CLDN15: variants seen among roughly 807,000 people sequenced by gnomAD.
The protein encoded by CLDN15 is claudin 15, also known as claudin-15.
Under a neutral mutation model 24.5 loss-of-function variants are expected in CLDN15, and 9 were observed. The observed-to-expected ratio is 0.37, with a 90% CI of 0.22 to 0.64. CLDN15 has a LOEUF of 0.64. Among genes scored for constraint, CLDN15 ranks in the 30% least tolerant of loss-of-function variants. The probability of loss-of-function intolerance (pLI) is 0.63; values close to 1 mark genes in which losing one functional copy is unlikely to be tolerated. For synonymous variants in CLDN15, 149 were observed against 131.4 expected, an observed-to-expected ratio of 1.13 and a Z score of -0.92; for missense variants, 248 against 305.9, an observed-to-expected ratio of 0.81 and a Z score of 1.41.
chr7:101,232,191 G>A lies in CLDN15; in HGVS notation c.*219C>T, dbSNP rs548376323. The A allele has an allele frequency of 1.3e-5, 7 of 545,162 alleles. No homozygotes were observed. The highest frequency in any genetic ancestry group is 1.0e-4 in the Admixed American group (3 of 29,428). 33.8% of individuals were successfully genotyped at this position (545,162 alleles called of 1,614,324 possible). ...CACAGCCCAGAACCCAGGGTCAGAA[G>A]ATGAGGGATCCAGCCTCAGAGGGGA... On this transcript the variant is annotated 3_prime_UTR_variant, in exon 5 of 5. Transcript: ENST00000308344.
At chr7:101,234,004 C>A in intron 2 of CLDN15, 1 of 641,218 alleles carries the variant, frequency 1.6e-6, no homozygotes, top group South Asian at 1.5e-5. Context: ...ATGTAAGCTC[C>A]CGGAGGCAGC....
chr7:101,235,427 T>C (rs1798603850), intron 1 of CLDN15, among the ~76,000 whole-genome samples: 1 of 152,054 alleles, frequency 6.6e-6, no homozygotes, highest in Non-Finnish European at 1.5e-5. Context: ...CCACACCCGG[T>C]GGAGTTTCTG....
chr7:101,233,272 C>T (rs1201404112), intron 2 of CLDN15, among the ~76,000 whole-genome samples: 1 of 152,076 alleles, frequency 6.6e-6, no homozygotes, highest in African/African-American at 2.4e-5. Flanking sequence ...AAATCCCGCC[C>T]ACCCTTGAAA....
chr7:101,233,610 A>T (rs1164681557), intron 2 of CLDN15, among the ~76,000 whole-genome samples: 2 of 149,102 alleles, frequency 1.3e-5, no homozygotes, highest in Non-Finnish European at 1.5e-5. Flanking sequence ...TGCCTTGGCC[A>T]TTTTTTTTTT....
At chr7:101,234,048 C>G in intron 2 of CLDN15, 1 of 694,510 alleles carries the variant, frequency 1.4e-6, no homozygotes. Context: ...CCTCCCACAC[C>G]TGGCCGTGGC....
chr7:101,237,820 G>C (rs963521671), upstream of CLDN15: 6 of 561,216 alleles, frequency 1.1e-5, no homozygotes, highest in Non-Finnish European at 1.9e-5. The surrounding 1 kb of genome is among the most constrained non-coding windows in gnomAD (Gnocchi z 4.0). Flanking sequence ...GCCTGCGCGC[G>C]GCAGCTGTTG....
At chr7:101,234,735 C>T (rs932534387) in intron 1 of CLDN15, among the ~76,000 whole-genome samples, 1 of 152,056 alleles carries the variant, frequency 6.6e-6, no homozygotes, top group Non-Finnish European at 1.5e-5. Flanking sequence ...CCCCCCTCAC[C>T]TTCTTGCTCT....
rs755492734 is a variant in CLDN15 at position 101,237,599 on chromosome 7, TG to T, written c.-19del. ...ATCGACATGGTGGGATGCAGGACCC[TG>T]GGGGGCTGGTGCCCCAGAGAGGGGG... On this transcript the variant is annotated 5_prime_UTR_variant, in exon 1 of 5. Transcript: ENST00000308344. This position sits in a 1 kb window ranked among gnomAD's most constrained non-coding sequence, Gnocchi z 4.0. 6.3e-6 allele frequency: 10 copies of T among 1,596,840 alleles called. No individual in the cohort carries two copies. In the South Asian group the frequency reaches 6.6e-5, roughly 11 times the overall value.
At chr7:101,238,459 T>C (rs975839579), upstream of CLDN15, 4 of 152,336 alleles carry the variant, frequency 2.6e-5, no homozygotes, top group Non-Finnish European at 4.4e-5. Context: ...TTTGGGAGGC[T>C]GGGCTGAGAC....
intron 1 of CLDN15, among the ~76,000 whole-genome samples, chr7:101,235,440 C>T (rs1266403733): frequency 1.3e-5 from 2 of 152,158 alleles, no homozygotes; most frequent in African/African-American, 4.8e-5. Flanking sequence ...AGTTTCTGAC[C>T]TAGGTGGAAT....
upstream of CLDN15, chr7:101,238,503 G>A: frequency 6.6e-6 from 1 of 152,450 alleles, no homozygotes; most frequent in Non-Finnish European, 1.5e-5. Context: ...AGACCAGCCT[G>A]GGCAACACAC....
Position 101,233,614 on chromosome 7 carries a change from T to A in CLDN15, c.382+664A>T, listed in dbSNP as rs1458529571. On this transcript the variant is annotated intron_variant, in intron 2 of 4. Coordinates refer to ENST00000308344, the MANE Select transcript of CLDN15 (RefSeq NM_014343.3). The stretch of plus-strand genomic sequence containing the variant: ...GGCAGTTCTCCTGCCTTGGCCATTT[T>A]TTTTTTGACAGTCTCACTCTTTCAC... 2.6e-5 allele frequency among the ~76,000 whole-genome samples: 4 copies of A among 152,016 alleles called. No individual in the cohort carries two copies. In the East Asian group the frequency reaches 7.7e-4, roughly 29 times the overall value.
chr7:101,236,842 G>A (rs1480219994), intron 1 of CLDN15: 1 of 1,286,932 alleles, frequency 7.8e-7, no homozygotes. Flanking sequence ...AGCCGGACAA[G>A]GAGACCAGTG....
chr7:101,236,885 G>A (rs1376916831), intron 1 of CLDN15: 2 of 1,172,626 alleles, frequency 1.7e-6, no homozygotes, highest in Admixed American at 2.3e-5. Flanking sequence ...AGTCTGTGGA[G>A]CCTGGAAGTT....
intron 2 of CLDN15, chr7:101,234,058 C>T (rs1562904059): frequency 1.4e-6 from 1 of 698,894 alleles, no homozygotes; most frequent in East Asian, 2.7e-5. Flanking sequence ...CTGGCCGTGG[C>T]CAGCCCCTAC....
Position 101,237,183 on chromosome 7 carries a change from GTGGCAAGGTCTTCACTCCAGTTCTAGGCA to G in CLDN15, c.217+153_217+181del, listed in dbSNP as rs1393290959. On this transcript the variant is annotated intron_variant, in intron 1 of 4. Coordinates refer to ENST00000308344, the MANE Select transcript of CLDN15 (RefSeq NM_014343.3). The surrounding 1 kb of genome is among the most constrained non-coding windows in gnomAD (Gnocchi z 4.0). ...GCCACACTAGCGCAGGGGGCCACGT[GTGGCAAGGTCTTCACTCCAGTTCTAGGCA>G]TGGGCCGCCCCCAGCACTCCTGGCT... 3.2e-4 allele frequency among the ~76,000 whole-genome samples: 48 copies of G among 151,664 alleles called. 1 individual carries two copies. The highest frequency in any genetic ancestry group is 3.1e-3 in the Admixed American group (47 of 15,254).
intron 1 of CLDN15, among the ~76,000 whole-genome samples, chr7:101,235,134 C>T (rs77916658): frequency 2.0e-5 from 3 of 152,234 alleles, no homozygotes; most frequent in Admixed American, 1.3e-4. Flanking sequence ...CTAAGCATCG[C>T]TGTCGCCTTC....
At chr7:101,234,949 T>C (rs1284855803) in intron 1 of CLDN15, among the ~76,000 whole-genome samples, 1 of 152,074 alleles carries the variant, frequency 6.6e-6, no homozygotes, top group East Asian at 1.9e-4. Context: ...AACTCTATTC[T>C]GGGGGCCGTC....
At chr7:101,233,292 C>T (rs969533422) in intron 2 of CLDN15, among the ~76,000 whole-genome samples, 1 of 152,016 alleles carries the variant, frequency 6.6e-6, no homozygotes, top group African/African-American at 2.4e-5. Context: ...ACCTTGAAAA[C>T]CCAGCTGGGC....
Sources: allele counts gnomAD v4.1 joint callset (sites outside exome capture counted in the v4.1 genomes callset), GRCh38; gene constraint gnomAD v4.1.1; non-coding constraint Gnocchi (gnomAD v3.1); transcripts MANE v1.5; gene names NCBI Gene and HGNC (gene_info 2026-07-23, HGNC 2026-07-21).